The following PLEKHA5 variants were observed in gnomAD, a reference collection of about 807,000 sequenced individuals.
PLEKHA5 encodes pleckstrin homology domain containing A5, also known as pleckstrin homology domain-containing family A member 5.
A neutral mutation model predicts 181.9 loss-of-function variants in PLEKHA5; 55 were observed. The ratio of observed to expected loss-of-function variants is 0.30; its 90% CI spans 0.24 to 0.38. The LOEUF (loss-of-function observed/expected upper bound fraction) is 0.38, where lower values mean the gene tolerates loss of function less well. PLEKHA5 is among the 10% of genes least tolerant of loss of function. PLEKHA5 has a pLI of 1.00. For missense variants in PLEKHA5, 1,432 were observed against 1,549.5 expected, an observed-to-expected ratio of 0.92 and a Z score of 1.27; for synonymous variants, 535 against 529.4, an observed-to-expected ratio of 1.01 and a Z score of -0.15.
chr12:19,193,859 T>C (rs748791936), intron 3 of PLEKHA5, among the ~76,000 whole-genome samples: 25 of 152,174 alleles, frequency 1.6e-4, no homozygotes, highest in East Asian at 7.7e-4. Context: ...CTTTTACTTA[T>C]GGCAGAAGGG....
rs185859085 is a variant in PLEKHA5, at chr12:19,220,293, T to A, written c.228-33647T>A. ...TAATTTCTACATAAAATGAAGTTAATTGTCTTTAAATAGTTGTTAGCCACA... is the reference window on the plus strand; with the variant it reads ...TAATTTCTACATAAAATGAAGTTAAATGTCTTTAAATAGTTGTTAGCCACA... On this transcript the variant is annotated intron_variant, in intron 3 of 31. Transcript: ENST00000429027. Among the ~76,000 whole-genome samples, 490 of 152,178 alleles carry A rather than the reference T, an allele frequency of 3.2e-3. 2 individuals carry two copies. Among genetic ancestry groups the A allele is most frequent in the Non-Finnish European group, 4.1e-3 (276 of 67,998 alleles).
chr12:19,333,775 A>T (rs929411948), intron 20 of PLEKHA5, among the ~76,000 whole-genome samples: 1 of 151,454 alleles, frequency 6.6e-6, no homozygotes, highest in African/African-American at 2.4e-5. Context: ...AGCCCAGATA[A>T]TTTTTTTGTA....
intron 3 of PLEKHA5, among the ~76,000 whole-genome samples, chr12:19,211,613 A>G (rs2056920965): frequency 6.6e-6 from 1 of 152,192 alleles, no homozygotes; most frequent in African/African-American, 2.4e-5. Flanking sequence ...AAGAAAATAA[A>G]TTTCTATTTT....
intron 3 of PLEKHA5, among the ~76,000 whole-genome samples, chr12:19,233,177 G>C (rs1380480199): frequency 6.6e-6 from 1 of 152,018 alleles, no homozygotes; most frequent in African/African-American, 2.4e-5. Context: ...TTTAAGTCAT[G>C]AACAAATGGT....
At chr12:19,170,648 G>C (rs1267305490) in intron 3 of PLEKHA5, among the ~76,000 whole-genome samples, 2 of 152,198 alleles carry the variant, frequency 1.3e-5, no homozygotes, top group African/African-American at 4.8e-5. Flanking sequence ...TCGATCTCTT[G>C]ACCTCGTGAT....
chr12:19,135,307 T>C (rs1297621893), intron 3 of PLEKHA5, among the ~76,000 whole-genome samples: 2 of 152,112 alleles, frequency 1.3e-5, no homozygotes, highest in African/African-American at 4.8e-5. Context: ...AGTGGGGAAG[T>C]CATAGGAACT....
chr12:19,259,160 C>T (rs549107995), intron 6 of PLEKHA5, among the ~76,000 whole-genome samples: 21 of 151,590 alleles, frequency 1.4e-4, no homozygotes, highest in Non-Finnish European at 2.6e-4. Context: ...AGTTCGAGAC[C>T]AGCTTGGGCA....
At chr12:19,318,492 T>C (rs775830700) in intron 16 of PLEKHA5, among the ~76,000 whole-genome samples, 1 of 152,196 alleles carries the variant, frequency 6.6e-6, no homozygotes, top group African/African-American at 2.4e-5. Context: ...GTTTTCACTT[T>C]AATATACTAA....
intron 3 of PLEKHA5, among the ~76,000 whole-genome samples, chr12:19,194,935 TA>T (rs1195296502): frequency 2.0e-5 from 3 of 152,206 alleles, no homozygotes; most frequent in Admixed American, 1.3e-4. Context: ...AAATTATAGG[TA>T]AAGCTGTTTT....
intron 11 of PLEKHA5, among the ~76,000 whole-genome samples, chr12:19,276,744 T>C (rs2152749205): frequency 6.6e-6 from 1 of 152,266 alleles, no homozygotes; most frequent in African/African-American, 2.4e-5. Context: ...TGCCTTTTAC[T>C]GCAAAGAAAA....
intron 3 of PLEKHA5, among the ~76,000 whole-genome samples, chr12:19,134,689 A>T (rs2035081810): frequency 6.6e-6 from 1 of 152,108 alleles, no homozygotes; most frequent in African/African-American, 2.4e-5. Flanking sequence ...TAAACTTTAC[A>T]ATTTAGAGTA....
chr12:19,149,879 G>C (rs2039966778), intron 3 of PLEKHA5: 1 of 152,200 alleles, frequency 6.6e-6, no homozygotes, highest in African/African-American at 2.4e-5. Flanking sequence ...ACTGCTTTCT[G>C]TTGGCTAAAG....
At chr12:19,338,641 G>T (rs1240265607) in intron 21 of PLEKHA5, among the ~76,000 whole-genome samples, 3 of 151,670 alleles carry the variant, frequency 2.0e-5, no homozygotes, top group Non-Finnish European at 4.4e-5. Flanking sequence ...GAGATTACAG[G>T]CATGAGTCAC....
At position 19,353,885 on chromosome 12, in the gene PLEKHA5, T is replaced by C; in HGVS notation, c.3021T>C (p.Gly1007=). The C allele has an allele frequency of 2.7e-6, 4 of 1,480,368 alleles. No homozygotes were observed. The highest frequency in any genetic ancestry group is 3.8e-6 in the Non-Finnish European group (4 of 1,060,536). The allele number at this position is 1,480,368 out of a possible 1,614,324, so 91.7% of individuals were successfully genotyped here. The part of the protein sequence containing the change: ...VSEIETSVVK[G]SHFPVGVVPP... ...ACTTACTGCTGTTTTAATTTTTAGG[T>C]TCCCACTTTCCTGTTGGAGTAGTCC... Residue 1007 remains glycine (G), a splice_region_variant and synonymous_variant, in exon 26 of 32, where the codon GGT becomes GGC. Transcript: ENST00000429027.
intron 3 of PLEKHA5, among the ~76,000 whole-genome samples, chr12:19,138,005 T>C (rs1034341701): frequency 1.3e-5 from 2 of 152,188 alleles, no homozygotes; most frequent in Admixed American, 1.3e-4. Context: ...CCTTCGTTTC[T>C]TCTTATTCTC....
At chr12:19,358,626 G>C (rs1263489279) in intron 27 of PLEKHA5, among the ~76,000 whole-genome samples, 189 bp downstream of exon 27, 1 of 152,110 alleles carries the variant, frequency 6.6e-6, no homozygotes, top group African/African-American at 2.4e-5. Context: ...CAAGAGACCA[G>C]AGCTAAACTA....
At chr12:19,133,209 A>G (rs992339280) in intron 3 of PLEKHA5, among the ~76,000 whole-genome samples, 1 of 152,020 alleles carries the variant, frequency 6.6e-6, no homozygotes, top group Admixed American at 6.5e-5. Context: ...AGTCAGTCCC[A>G]ATCTTAAAAC....
intron 3 of PLEKHA5, among the ~76,000 whole-genome samples, chr12:19,178,865 G>T (rs1339337803): frequency 1.3e-5 from 2 of 152,210 alleles, no homozygotes; most frequent in East Asian, 3.9e-4. Context: ...AGTAGTAGAA[G>T]TAGAAATATT....
In PLEKHA5 at chr12:19,336,603, T is replaced by C. The variant is rs751727093; in HGVS notation, c.2537T>C (p.Leu846Pro). The C allele has an allele frequency of 2.5e-6, 4 of 1,578,398 alleles. No homozygotes were observed. Among genetic ancestry groups the C allele is most frequent in the African/African-American group, 2.7e-5 (2 of 74,238 alleles). The change falls in exon 21 of 32, where the codon CTT (leucine) becomes CCT (proline). Residue 846 changes from leucine to proline, a missense_variant. Leu to Pro is a moderately conservative substitution (Grantham distance 98). Around this residue, in one of 2 missense-constraint regions of PLEKHA5, gnomAD observed 1,143 missense variants for 1,168.4 expected, o/e 0.98. Transcript: ENST00000429027. ...CAGATGCAAGAGCAGCTGGATCACCTTGGTGAAGTTCAGGTACAAAAGTAT... is the reference window on the plus strand; with the variant it reads ...CAGATGCAAGAGCAGCTGGATCACCCTGGTGAAGTTCAGGTACAAAAGTAT... ...RNQMQEQLDH[L>P]GEVQTESAGI...
Sources: allele counts gnomAD v4.1 joint callset (sites outside exome capture counted in the v4.1 genomes callset), GRCh38; gene constraint gnomAD v4.1.1; regional missense constraint gnomAD v4.1.1; transcripts MANE v1.5; gene names NCBI Gene and HGNC (gene_info 2026-07-23, HGNC 2026-07-21).